Variants in MTSS1 observed in about 807,000 individuals in gnomAD.
MTSS1 encodes protein MTSS 1.
MTSS1 carries 18 observed loss-of-function variants against 79.0 expected under a neutral mutation model. The ratio of observed to expected loss-of-function variants is 0.23; its 90% CI spans 0.16 to 0.34. The LOEUF (loss-of-function observed/expected upper bound fraction) is 0.34. Ranked by LOEUF, MTSS1 falls within the 10% of genes least tolerant of loss-of-function variation. MTSS1 has a pLI of 1.00. For missense variants in MTSS1, 815 were observed against 986.2 expected (o/e 0.83, Z 2.33); for synonymous variants, 341 against 368.6 (o/e 0.93, Z 0.86).
chr8:124,660,649 G>T (rs1453510470), intron 3 of MTSS1, among the ~76,000 whole-genome samples: 1 of 152,124 alleles, frequency 6.6e-6, no homozygotes, highest in Non-Finnish European at 1.5e-5. Context: ...CCAAATATGA[G>T]GCTCTGGCTT....
rs573633084 is a variant in MTSS1, at chr8:124,594,550, TAAAGGAAAGG to T, written c.209-3325_209-3316del. 4.9e-3 allele frequency among the ~76,000 whole-genome samples: 742 copies of T among 150,118 alleles called. 4 individuals carry two copies. Among genetic ancestry groups the T allele is most frequent in the African/African-American group, 0.017 (690 of 40,760 alleles). On this transcript the variant is annotated intron_variant, in intron 3 of 13. Transcript: ENST00000518547. ...GTCTCAACAACAACAACAAAAGAAATAAAGGAAAGGAAAGGAAAGGAAATAGCTGAACTAT... is the reference window on the plus strand; with the variant it reads ...GTCTCAACAACAACAACAAAAGAAATAAAGGAAAGGAAATAGCTGAACTAT...
chr8:124,616,547 G>C (rs1836903439), intron 3 of MTSS1, among the ~76,000 whole-genome samples: 1 of 152,120 alleles, frequency 6.6e-6, no homozygotes, highest in Non-Finnish European at 1.5e-5. Context: ...GTCAGTCCAG[G>C]TCTCACCAGA....
At chr8:124,579,037 A>G (rs1171025922) in intron 6 of MTSS1, among the ~76,000 whole-genome samples, 1 of 152,206 alleles carries the variant, frequency 6.6e-6, no homozygotes. Context: ...CCTACAAGAG[A>G]AAAAATTAAA....
intron 3 of MTSS1, among the ~76,000 whole-genome samples, chr8:124,603,907 T>C (rs4871513): frequency 0.045 from 6,925 of 152,256 alleles, 211 homozygotes; most frequent in South Asian, 0.15. Context: ...CTGGGCCACA[T>C]GGAAGAATTG....
At position 124,553,186 on chromosome 8, in the gene MTSS1, C is replaced by G. The variant is rs1822834292; in HGVS notation, c.2074G>C (p.Glu692Gln). ...CGTTCCTGGTCTTCAGCTTCACTTTCTGGAATTGCCTGTCTGTGCTCCTCA... is the reference window on the plus strand; with the variant it reads ...CGTTCCTGGTCTTCAGCTTCACTTTGTGGAATTGCCTGTCTGTGCTCCTCA... The part of the protein sequence containing the change: ...IPEEHRQAIP[E>Q]SEAEDQEREP... Residue 692 changes from glutamate (E) to glutamine (Q), a missense_variant, in exon 14 of 14, where the codon GAA becomes CAA. Around this residue, in one of 2 missense-constraint regions of MTSS1, gnomAD observed 590 missense variants for 620.8 expected, o/e 0.95. Transcript: ENST00000518547. The surrounding 1 kb of genome is among the most constrained non-coding windows in gnomAD (Gnocchi z 6.0). The G allele has an allele frequency of 6.2e-7, 1 of 1,614,030 alleles. No homozygotes were observed. Among genetic ancestry groups the G allele is most frequent in the African/African-American group, 1.3e-5 (1 of 74,890 alleles).
chr8:124,562,869 G>A lies in MTSS1; in HGVS notation c.948C>T (p.Ser316=), dbSNP rs532119944. Residue 316 remains serine (S), a synonymous_variant, in exon 10 of 14, where the codon AGC becomes AGT. Transcript: ENST00000518547. ...TGAATCCTGAGTCATGGGAGGACACGCTGGACAGCCTCACAGGAGCCTGCT... is the reference window on the plus strand; with the variant it reads ...TGAATCCTGAGTCATGGGAGGACACACTGGACAGCCTCACAGGAGCCTGCT... ...LAQQAPVRLS[S]VSSHDSGFIS... The A allele has an allele frequency of 9.5e-5, 153 of 1,614,118 alleles. No individual in the cohort carries two copies. The South Asian group carries it at 1.3e-3, about 14-fold the overall frequency.
rs1832932163 is a variant in MTSS1, at chr8:124,597,314, C to T, written c.209-6079G>A. Among the ~76,000 whole-genome samples, 3 of 152,174 alleles carry T rather than the reference C, an allele frequency of 2.0e-5. No homozygotes were observed. In the South Asian group the frequency reaches 6.2e-4, roughly 31 times the overall value. ...TGCTGGTCAGCAGTAGAGCCAAAAT[C>T]CAAGCCTGCTTCTACGGATACCAAG... On this transcript the variant is annotated intron_variant, in intron 3 of 13. Coordinates refer to ENST00000518547, the MANE Select transcript of MTSS1 (RefSeq NM_014751.6). The surrounding 1 kb of genome is among the most constrained non-coding windows in gnomAD (Gnocchi z 4.6).
chr8:124,608,832 C>T (rs758482379), intron 3 of MTSS1, among the ~76,000 whole-genome samples: 12 of 152,100 alleles, frequency 7.9e-5, no homozygotes, highest in Non-Finnish European at 1.6e-4. Flanking sequence ...CTGCTACAAC[C>T]GCAGGACAGT....
At chr8:124,606,162 T>G (rs1330991035) in intron 3 of MTSS1, among the ~76,000 whole-genome samples, 1 of 129,122 alleles carries the variant, frequency 7.7e-6, no homozygotes, top group African/African-American at 3.4e-5. Flanking sequence ...TTTCTGTGTT[T>G]GGTTTTTTGT....
chr8:124,633,666 G>C (rs1424433281), intron 3 of MTSS1, among the ~76,000 whole-genome samples: 3 of 151,920 alleles, frequency 2.0e-5, no homozygotes. Flanking sequence ...GCTACTCGAG[G>C]GGCTGAGGGA....
At chr8:124,626,083 T>C (rs1417538700) in intron 3 of MTSS1, among the ~76,000 whole-genome samples, 3 of 152,204 alleles carry the variant, frequency 2.0e-5, no homozygotes, top group Admixed American at 1.3e-4. Context: ...CCAGGTCTTT[T>C]AACCATGGCA....
intron 2 of MTSS1, among the ~76,000 whole-genome samples, chr8:124,700,251 A>G (rs991207838): frequency 6.6e-6 from 1 of 152,234 alleles, no homozygotes; most frequent in African/African-American, 2.4e-5. Context: ...TATAAGTGGT[A>G]GAGGTGAAAT....
chr8:124,555,912 T>A lies in MTSS1; in HGVS notation c.1405-8A>T. 1.2e-6 allele frequency: 2 copies of A among 1,603,146 alleles called. No individual in the cohort carries two copies. Among genetic ancestry groups the A allele is most frequent in the Non-Finnish European group, 1.7e-6 (2 of 1,179,222 alleles). ...CTCCATCTCCTCACCAGGCTGCAGG[T>A]TGGAGGAGAGAAATACACAGGTTGC... On this transcript the variant is annotated splice_region_variant and splice_polypyrimidine_tract_variant and intron_variant, in intron 12 of 13. Coordinates refer to ENST00000518547, the MANE Select transcript of MTSS1 (RefSeq NM_014751.6).
chr8:124,705,435 C>G (rs142522710), intron 1 of MTSS1, among the ~76,000 whole-genome samples: 41 of 152,232 alleles, frequency 2.7e-4, no homozygotes, highest in African/African-American at 9.9e-4. Flanking sequence ...CGCACCACTG[C>G]ACTCCAGACT....
rs995338402 is a variant in MTSS1, at chr8:124,611,116, C to CG, written c.209-19882_209-19881insC. Among the ~76,000 whole-genome samples, 16 of 148,802 alleles carry CG rather than the reference C, an allele frequency of 1.1e-4. 1 individual carries two copies. Among genetic ancestry groups the CG allele is most frequent in the African/African-American group, 3.7e-4 (15 of 40,300 alleles). ...AAACCCACCAGACAGACCCCCCCCC[C>CG]CCAGCATGTGACTCAACAGTCACCT... is the stretch of plus-strand genomic sequence containing the variant. On this transcript the variant is annotated intron_variant, in intron 3 of 13. Transcript: ENST00000518547.
chr8:124,703,155 T>A lies in MTSS1; in HGVS notation c.134+975A>T, dbSNP rs79292569. On this transcript the variant is annotated intron_variant, in intron 2 of 13. Coordinates refer to ENST00000518547, the MANE Select transcript of MTSS1 (RefSeq NM_014751.6). ...TTCCACCACCCCAAAAGATCTGTCT[T>A]ACCCACTTCTCACTCTCCTTTTTCA... is the stretch of plus-strand genomic sequence containing the variant. Among the ~76,000 whole-genome samples the A allele has an allele frequency of 1.0e-3, 158 of 152,322 alleles. 5 individuals are homozygous for A. The East Asian group carries it at 0.026, about 25-fold the overall frequency.
chr8:124,685,612 G>A (rs970556748), intron 3 of MTSS1, among the ~76,000 whole-genome samples: 2 of 152,112 alleles, frequency 1.3e-5, no homozygotes, highest in Non-Finnish European at 2.9e-5. Context: ...GTGTGATGCA[G>A]GAGAGAATGA....
At chr8:124,699,702 C>T (rs1219683468) in intron 2 of MTSS1, 103 bp from the exon 3 acceptor site, 1 of 1,040,562 alleles carries the variant, frequency 9.6e-7, no homozygotes, top group African/African-American at 1.6e-5. Context: ...ATGTAACCTT[C>T]CTCCAGAAAT....
chr8:124,641,272 C>G lies in MTSS1; in HGVS notation c.209-50037G>C, dbSNP rs554471558. On this transcript the variant is annotated intron_variant, in intron 3 of 13. Coordinates refer to ENST00000518547, the MANE Select transcript of MTSS1 (RefSeq NM_014751.6). ...GTTAAGAGAGCTCCCTCCAGACCCCCCAATCCCCATATACCTGTGAGCAAC... is the reference window on the plus strand; with the variant it reads ...GTTAAGAGAGCTCCCTCCAGACCCCGCAATCCCCATATACCTGTGAGCAAC... Among the ~76,000 whole-genome samples, 4 of 152,276 alleles carry G rather than the reference C, an allele frequency of 2.6e-5. No homozygotes were observed. In the South Asian group the frequency reaches 8.3e-4, roughly 32 times the overall value.
Sources: allele counts gnomAD v4.1 joint callset (sites outside exome capture counted in the v4.1 genomes callset), GRCh38; gene constraint gnomAD v4.1.1; regional missense constraint gnomAD v4.1.1; non-coding constraint Gnocchi (gnomAD v3.1); transcripts MANE v1.5; gene names NCBI Gene and HGNC (gene_info 2026-07-23, HGNC 2026-07-21).